Variants in CRHR1 observed in about 807,000 individuals in gnomAD.
The protein encoded by CRHR1 is corticotropin-releasing hormone receptor 1.
In CRHR1, 28 loss-of-function variants were observed where a neutral mutation model predicts 56.0. That is an observed-to-expected ratio of 0.50 (90% CI 0.37 to 0.69). CRHR1 has a LOEUF of 0.69. Ranked by LOEUF, CRHR1 falls within the 30% of genes least tolerant of loss-of-function variation. The pLI is 0.00. For missense variants in CRHR1, 376 were observed against 548.0 expected (o/e 0.69, Z 3.13); for synonymous variants, 195 against 216.5 (o/e 0.90, Z 0.87).
intron 3 of CRHR1, among the ~76,000 whole-genome samples, chr17:45,821,150 C>T (rs1434672506): frequency 6.6e-6 from 1 of 152,258 alleles, no homozygotes; most frequent in African/African-American, 2.4e-5. Context: ...GAGCCACCAA[C>T]CCCTGCTGGA....
At position 45,827,492 on chromosome 17, in the gene CRHR1, C is replaced by T. The variant is rs138604877; in HGVS notation, c.328-1723C>T. Among the ~76,000 whole-genome samples, 22 of 152,314 alleles carry T rather than the reference C, an allele frequency of 1.4e-4. 2 individuals carry two copies. The East Asian group carries it at 4.2e-3, about 29-fold the overall frequency. On this transcript the variant is annotated intron_variant, in intron 4 of 12. Coordinates refer to ENST00000314537, the MANE Select transcript of CRHR1 (RefSeq NM_004382.5). ...ATGTGTGCATATCTTCCAGAGCCTC[C>T]GGATTGGGGCATCTGCCGCCAGGCG...
intron 1 of CRHR1, among the ~76,000 whole-genome samples, chr17:45,788,335 A>G (rs2061369957): frequency 6.6e-6 from 1 of 152,218 alleles, no homozygotes; most frequent in African/African-American, 2.4e-5. Context: ...GTCTGTAAAC[A>G]GGGGTATTGG....
At chr17:45,831,110 GT>G (rs56396707) in intron 8 of CRHR1, among the ~76,000 whole-genome samples, 170 bp downstream of exon 8, 21,818 of 152,252 alleles carry the variant, frequency 0.14, 2,132 homozygotes, top group Middle Eastern at 0.22. Context: ...GTCCCTGCCT[GT>G]GCTCTGCCTG....
At chr17:45,815,654 G>C (rs1266558907) in intron 2 of CRHR1, among the ~76,000 whole-genome samples, 1 of 152,178 alleles carries the variant, frequency 6.6e-6, no homozygotes, top group East Asian at 1.9e-4. Flanking sequence ...TTTCTGATCT[G>C]GTTCAACCAC....
intron 2 of CRHR1, among the ~76,000 whole-genome samples, chr17:45,810,591 T>C (rs2061803650): frequency 6.6e-6 from 1 of 152,062 alleles, no homozygotes; most frequent in African/African-American, 2.4e-5. Context: ...TAGTCAGCCG[T>C]CTAGGGGTGC....
intron 1 of CRHR1, among the ~76,000 whole-genome samples, chr17:45,801,019 A>T (rs905146891): frequency 1.3e-5 from 2 of 152,228 alleles, no homozygotes; most frequent in Non-Finnish European, 2.9e-5. Flanking sequence ...ATGGTCTCTG[A>T]TAAGCATTTT....
Position 45,816,477 on chromosome 17 carries a change from G to T in CRHR1, c.136G>T (p.Ala46Ser). 2 of 1,614,044 alleles carry T rather than the reference G, an allele frequency of 1.2e-6. 1 individual carries two copies. The highest frequency in any genetic ancestry group is 2.2e-5 in the South Asian group (2 of 91,078). The change falls in exon 3 of 13, where the codon GCA becomes TCA. Residue 46 changes from alanine to serine, a missense_variant. Ala to Ser is a moderately conservative substitution (Grantham distance 99, BLOSUM62 1). Transcript: ENST00000314537. Reference protein sequence around the residue: ...ASNISGLQCNASVDLIGTCWP... With the variant: ...ASNISGLQCNSSVDLIGTCWP... Reference sequence around the variant, plus strand: ...TCTGCCCCCAGGACTGCAGTGCAACGCATCCGTGGACCTCATTGGCACCTG... The same window carrying T: ...TCTGCCCCCAGGACTGCAGTGCAACTCATCCGTGGACCTCATTGGCACCTG...
At chr17:45,786,314 T>C (rs539420406) in intron 1 of CRHR1, among the ~76,000 whole-genome samples, 1 of 152,322 alleles carries the variant, frequency 6.6e-6, no homozygotes, top group Non-Finnish European at 1.5e-5. Flanking sequence ...TCAGTAGGCA[T>C]TCAATAAATT....
chr17:45,828,766 G>T (rs542174163), intron 4 of CRHR1, among the ~76,000 whole-genome samples: 35 of 152,364 alleles, frequency 2.3e-4, no homozygotes, highest in Admixed American at 1.8e-3. Context: ...TTTAGGGGTG[G>T]CTGAGAAGGT....
chr17:45,792,100 T>C (rs2061437441), intron 1 of CRHR1, among the ~76,000 whole-genome samples: 1 of 152,034 alleles, frequency 6.6e-6, no homozygotes, highest in South Asian at 2.1e-4. Flanking sequence ...GGTGAGTGAC[T>C]AGCAGGTTAG....
chr17:45,832,752 G>A (rs2062343088), intron 8 of CRHR1, among the ~76,000 whole-genome samples: 2 of 152,258 alleles, frequency 1.3e-5, no homozygotes, highest in Non-Finnish European at 2.9e-5. Flanking sequence ...GGTGACAGGT[G>A]TGGTGCCACT....
At chr17:45,788,111 A>G (rs138262883) in intron 1 of CRHR1, among the ~76,000 whole-genome samples, 1 of 152,244 alleles carries the variant, frequency 6.6e-6, no homozygotes, top group Non-Finnish European at 1.5e-5. Flanking sequence ...TCAGCCACAC[A>G]TAAGGAGTTT....
At chr17:45,798,196 C>T (rs1390964719) in intron 1 of CRHR1, among the ~76,000 whole-genome samples, 1 of 152,290 alleles carries the variant, frequency 6.6e-6, no homozygotes, top group East Asian at 1.9e-4. Context: ...CATGTTGGGG[C>T]CTGCTCTGTA....
At chr17:45,792,139 C>G (rs754574101) in intron 1 of CRHR1, among the ~76,000 whole-genome samples, 7 of 152,098 alleles carry the variant, frequency 4.6e-5, no homozygotes, top group African/African-American at 7.2e-5. Context: ...CTCAGCTGCC[C>G]GTGCCTGGCT....
intron 12 of CRHR1, among the ~76,000 whole-genome samples, 177 bp downstream of exon 12, chr17:45,834,225 C>T (rs1359251468): frequency 6.6e-6 from 1 of 152,202 alleles, no homozygotes; most frequent in Non-Finnish European, 1.5e-5. Flanking sequence ...TCCACTCCCA[C>T]AGTGACAGCC....
At chr17:45,821,285 A>G (rs2062035036) in intron 3 of CRHR1, 70 bp from the exon 4 acceptor site, 3 of 1,407,352 alleles carry the variant, frequency 2.1e-6, no homozygotes, top group South Asian at 1.1e-5. Context: ...CTACGCATCC[A>G]TCTGGGCCAG....
chr17:45,824,293 C>T (rs577947821), intron 4 of CRHR1, among the ~76,000 whole-genome samples: 9 of 152,300 alleles, frequency 5.9e-5, no homozygotes, highest in Admixed American at 2.0e-4. Flanking sequence ...CAGGACCACA[C>T]GCCATTGCAG....
At chr17:45,826,108 G>A (rs1166200784) in intron 4 of CRHR1, 1 of 152,352 alleles carries the variant, frequency 6.6e-6, no homozygotes, top group African/African-American at 2.4e-5. Flanking sequence ...ATGGAGTGCT[G>A]GTCAGGGCCC....
intron 2 of CRHR1, among the ~76,000 whole-genome samples, chr17:45,816,112 C>T (rs532671616): frequency 6.6e-6 from 1 of 152,246 alleles, no homozygotes; most frequent in South Asian, 2.1e-4. Context: ...ATGCGAGGGA[C>T]CAAGAGAAGT....
Sources: gnomAD v4.1 joint callset for allele counts (sites outside exome capture counted in the v4.1 genomes callset) on GRCh38, gnomAD v4.1.1 for gene constraint, MANE v1.5 for transcripts, NCBI Gene and HGNC (gene_info 2026-07-23, HGNC 2026-07-21) for gene names.